Variants in GFRA3 observed in about 807,000 individuals in gnomAD.
The protein encoded by GFRA3 is GDNF family receptor alpha 3, also known as GDNF family receptor alpha-3.
GFRA3 carries 24 observed loss-of-function variants against 40.0 expected under a neutral mutation model. The ratio of observed to expected loss-of-function variants is 0.60; its 90% CI spans 0.43 to 0.84. The LOEUF (loss-of-function observed/expected upper bound fraction) is 0.84, where lower values mean the gene tolerates loss of function less well. Among genes scored for constraint, GFRA3 ranks in the 40% least tolerant of loss-of-function variants. GFRA3 has a pLI of 0.00. For synonymous variants in GFRA3, 203 were observed against 213.5 expected (o/e 0.95, Z 0.43); for missense variants, 405 against 530.6 (o/e 0.76, Z 2.33).
intron 1 of GFRA3, among the ~76,000 whole-genome samples, chr5:138,269,692 A>C (rs1755838858): frequency 6.6e-6 from 1 of 151,310 alleles, no homozygotes; most frequent in Non-Finnish European, 1.5e-5. Flanking sequence ...AAATACAAAA[A>C]ATTAGCTGGG....
In GFRA3 at chr5:138,264,483, C is replaced by T; in HGVS notation, c.157G>A (p.Ala53Thr). 1 of 1,613,460 alleles carries T rather than the reference C, an allele frequency of 6.2e-7. No homozygotes were observed. The highest frequency in any genetic ancestry group is 8.5e-7 in the Non-Finnish European group (1 of 1,179,492). The change falls in exon 2 of 8, where the codon GCT (alanine) becomes ACT (threonine). Residue 53 changes from alanine to threonine, a missense_variant. Ala to Thr is a moderately conservative substitution (Grantham distance 58). Transcript: ENST00000274721. ...TAGGCAGCACTGCAGGTGGGATCAG[C>T]CTGGCACTTCCTCCTGGCCTGGAGA... is the stretch of plus-strand genomic sequence containing the variant. ...SCLQARRKCQ[A>T]DPTCSAAYHH...
At chr5:138,270,867 C>T (rs957850994) in intron 1 of GFRA3, among the ~76,000 whole-genome samples, 1 of 151,954 alleles carries the variant, frequency 6.6e-6, no homozygotes, top group East Asian at 1.9e-4. Flanking sequence ...AAAAGGGGAA[C>T]ATGGATTTAA....
Position 138,253,012 on chromosome 5 carries a change from A to G in GFRA3, c.1159T>C (p.Phe387Leu). The G allele has an allele frequency of 6.2e-7, 1 of 1,610,604 alleles. No homozygotes were observed. Among genetic ancestry groups the G allele is most frequent in the Middle Eastern group, 1.7e-4 (1 of 5,982 alleles). ...AGAATCAAGGGAAGCGTGCAGGAGAAAAGAGAGGGCACCCAGGGCTGTGGC... is the reference window on the plus strand; with the variant it reads ...AGAATCAAGGGAAGCGTGCAGGAGAGAAGAGAGGGCACCCAGGGCTGTGGC... Reference protein sequence around the residue: ...VRPQPWVPSLFSCTLPLILLL... With the variant: ...VRPQPWVPSLLSCTLPLILLL... The change falls in exon 8 of 8, where the codon TTC (phenylalanine) becomes CTC (leucine). Residue 387 changes from phenylalanine (F) to leucine (L), a missense_variant. Physicochemically the swap from Phe to Leu is conservative, Grantham distance 22. Transcript: ENST00000274721.
intron 4 of GFRA3, among the ~76,000 whole-genome samples, chr5:138,257,153 G>A (rs1192239440): frequency 1.3e-5 from 2 of 152,032 alleles, no homozygotes; most frequent in African/African-American, 4.8e-5. Context: ...GGAGTTTTTA[G>A]GTTAAGTGCT....
chr5:138,259,834 C>T (rs1001575590), intron 2 of GFRA3, among the ~76,000 whole-genome samples, 185 bp from the exon 3 acceptor site: 1 of 152,124 alleles, frequency 6.6e-6, no homozygotes, highest in African/African-American at 2.4e-5. Flanking sequence ...GGCTGGGCTC[C>T]ACCAATAAGC....
chr5:138,253,946 T>A, intron 5 of GFRA3, 46 bp from the exon 6 acceptor site: 1 of 1,602,498 alleles, frequency 6.2e-7, no homozygotes. Context: ...AACCCTAACT[T>A]TAGCTCCCAC....
chr5:138,267,406 G>T (rs1364507181), intron 1 of GFRA3: 1 of 152,198 alleles, frequency 6.6e-6, no homozygotes, highest in Non-Finnish European at 1.5e-5. Context: ...TGGCCAGGCT[G>T]GTCTCGAACT....
intron 7 of GFRA3, 50 bp from the exon 8 acceptor site, chr5:138,253,107 T>C (rs1464271863): frequency 9.4e-7 from 1 of 1,058,426 alleles, no homozygotes; most frequent in East Asian, 2.4e-5. Context: ...CTTTAGCCCT[T>C]TCACTACCTC....
At chr5:138,265,161 ACAT>A (rs759454229) in intron 1 of GFRA3, among the ~76,000 whole-genome samples, 4 of 151,486 alleles carry the variant, frequency 2.6e-5, no homozygotes, top group Non-Finnish European at 4.4e-5. Flanking sequence ...GGGTAATAGA[ACAT>A]CATCATCTCA....
In GFRA3 at chr5:138,257,622, C is replaced by G. The variant is rs1382463461; in HGVS notation, c.785+17G>C. 6.3e-7 allele frequency: 1 copy of G among 1,599,872 alleles called. No homozygotes were observed. Among genetic ancestry groups the G allele is most frequent in the South Asian group, 1.1e-5 (1 of 89,912 alleles). On this transcript the variant is annotated intron_variant, in intron 4 of 7. Coordinates refer to ENST00000274721, the MANE Select transcript of GFRA3 (RefSeq NM_001496.4). ...TGTGCCTCATCCCTGCCCACCCTGTCCTCCCAAACTACACACCTGCAAAGC... is the reference window on the plus strand; with the variant it reads ...TGTGCCTCATCCCTGCCCACCCTGTGCTCCCAAACTACACACCTGCAAAGC...
chr5:138,259,880 A>T (rs988797441), intron 2 of GFRA3, among the ~76,000 whole-genome samples: 7 of 152,162 alleles, frequency 4.6e-5, no homozygotes, highest in African/African-American at 1.7e-4. Context: ...TGTTAAGCAC[A>T]CTGTGTGCTG....
Position 138,274,432 on chromosome 5 carries a change from T to C in GFRA3, c.-8A>G, listed in dbSNP as rs1755920989. 4.6e-6 allele frequency: 6 copies of C among 1,299,134 alleles called. No homozygotes were observed. In the South Asian group the frequency reaches 1.4e-4, roughly 31 times the overall value. 80.5% of individuals were successfully genotyped at this position (1,299,134 alleles called of 1,614,324 possible). A position where few individuals can be genotyped will look rare whatever the true frequency, so the allele number is the denominator to read the frequency against. On this transcript the variant is annotated 5_prime_UTR_variant, in exon 1 of 8. Coordinates refer to ENST00000274721, the MANE Select transcript of GFRA3 (RefSeq NM_001496.4). Reference sequence around the variant, plus strand: ...GTTCAGGGGGCGCACCATGGCGAGCTGTAGGCGCCGGGCTCCGCGCTCCCC... The same window carrying C: ...GTTCAGGGGGCGCACCATGGCGAGCCGTAGGCGCCGGGCTCCGCGCTCCCC...
chr5:138,264,762 C>T (rs1755758474), intron 1 of GFRA3, among the ~76,000 whole-genome samples: 1 of 152,102 alleles, frequency 6.6e-6, no homozygotes, highest in Non-Finnish European at 1.5e-5. Flanking sequence ...ACAGACCAGG[C>T]CCAACAAGAA....
Position 138,252,875 on chromosome 5 carries a change from A to T in GFRA3, c.*93T>A. 2.8e-6 allele frequency: 2 copies of T among 720,414 alleles called. No homozygotes were observed. The highest frequency in any genetic ancestry group is 3.2e-5 in the South Asian group (2 of 62,668). The allele number at this position is 720,414 out of a possible 1,614,324, so 44.6% of individuals were successfully genotyped here. ...TCCTGTGCCCTCATCTGCGCACTGC[A>T]CCTCCTTCCTGCTGCTGTCCTTTCC... On this transcript the variant is annotated 3_prime_UTR_variant, in exon 8 of 8. Transcript: ENST00000274721.
In GFRA3 at chr5:138,253,932, G is replaced by A. The variant is rs182935893; in HGVS notation, c.890-32C>T. ...AGAGGGAAAGGGTAGTCAAGGCCTA[G>A]GCTAACCCTAACTTTAGCTCCCACC... On this transcript the variant is annotated intron_variant, in intron 5 of 7. Coordinates refer to ENST00000274721, the MANE Select transcript of GFRA3 (RefSeq NM_001496.4). 1.7e-5 allele frequency: 28 copies of A among 1,608,352 alleles called. No homozygotes were observed. The Admixed American group carries it at 4.7e-4, about 27-fold the overall frequency.
chr5:138,267,166 G>T, intron 1 of GFRA3: 1 of 162,478 alleles, frequency 6.2e-6, no homozygotes, highest in Non-Finnish European at 1.3e-5. Context: ...AGGACAGCCA[G>T]CTTCACCTTT....
chr5:138,269,527 A>T (rs1423329767), intron 1 of GFRA3, among the ~76,000 whole-genome samples: 1 of 139,642 alleles, frequency 7.2e-6, no homozygotes, highest in Non-Finnish European at 1.5e-5. Flanking sequence ...CAAGAGCGAA[A>T]CTCTGTCTGA....
At chr5:138,271,239 G>A (rs1025414382) in intron 1 of GFRA3, among the ~76,000 whole-genome samples, 1 of 152,116 alleles carries the variant, frequency 6.6e-6, no homozygotes, top group Non-Finnish European at 1.5e-5. Flanking sequence ...TGATCTGCCC[G>A]CCTCGGCCTC....
chr5:138,270,077 A>G (rs1281812823), intron 1 of GFRA3, among the ~76,000 whole-genome samples: 1 of 151,848 alleles, frequency 6.6e-6, no homozygotes, highest in African/African-American at 2.4e-5. Flanking sequence ...AAAGGAATGA[A>G]TTGGCCAGGC....
Sources: allele counts gnomAD v4.1 joint callset (sites outside exome capture counted in the v4.1 genomes callset), GRCh38; gene constraint gnomAD v4.1.1; transcripts MANE v1.5; gene names NCBI Gene and HGNC (gene_info 2026-07-23, HGNC 2026-07-21).